The following FRAS1 variants were observed in gnomAD, a reference collection of about 807,000 sequenced individuals.
The protein encoded by FRAS1 is Fraser extracellular matrix complex subunit 1.
In FRAS1, 290 loss-of-function variants were observed where a neutral mutation model predicts 435.2. The observed-to-expected ratio is 0.67, with a 90% confidence interval of 0.61 to 0.73. The LOEUF (loss-of-function observed/expected upper bound fraction) is 0.73. Among genes scored for constraint, FRAS1 ranks in the 30% least tolerant of loss-of-function variants. The probability of loss-of-function intolerance (pLI) is 0.00; values close to 1 mark genes in which losing one functional copy is unlikely to be tolerated. For synonymous variants in FRAS1, 1,800 were observed against 1,851.0 expected, an observed-to-expected ratio of 0.97 and a Z score of 0.71; for missense variants, 4,860 against 5,001.5, an observed-to-expected ratio of 0.97 and a Z score of 0.85.
chr4:78,190,669 C>T (rs982460383), intron 2 of FRAS1, among the ~76,000 whole-genome samples: 4 of 150,936 alleles, frequency 2.7e-5, no homozygotes, highest in African/African-American at 9.8e-5. Context: ...TTTCCCATAG[C>T]ACAAGATAGT....
intron 70 of FRAS1, among the ~76,000 whole-genome samples, chr4:78,529,128 G>A (rs182065849): frequency 1.5e-3 from 228 of 152,222 alleles, no homozygotes; most frequent in Admixed American, 2.6e-3. Context: ...AAGGAACTGG[G>A]AGTCTGGGGT....
chr4:78,488,925 G>T lies in FRAS1; in HGVS notation c.8803G>T (p.Gly2935Cys). ...TTTGCTCCTAGTGAAGGAGAAGGAG[G>T]GTGTCCTGCATGTCCCTATCACTCG... ...KDLLLVKEKEGVLHVPITRSG... is the reference protein window; with the variant it reads ...KDLLLVKEKECVLHVPITRSG... Residue 2935 changes from glycine (G) to cysteine (C), a missense_variant, in exon 59 of 74, where the codon GGT becomes TGT. Gly to Cys is a radical substitution (Grantham distance 159). Coordinates refer to ENST00000512123, the MANE Select transcript of FRAS1 (RefSeq NM_025074.7). 4 of 1,613,384 alleles carry T rather than the reference G, an allele frequency of 2.5e-6. No individual in the cohort carries two copies. Among genetic ancestry groups the T allele is most frequent in the Non-Finnish European group, 3.4e-6 (4 of 1,179,694 alleles).
At chr4:78,064,168 C>G (rs1368207342) in intron 1 of FRAS1, among the ~76,000 whole-genome samples, 1 of 150,642 alleles carries the variant, frequency 6.6e-6, no homozygotes, top group Non-Finnish European at 1.5e-5. Context: ...AAGGTTTTAT[C>G]TCAAGTTATT....
At position 78,488,861 on chromosome 4, in the gene FRAS1, G is replaced by C. The variant is rs377106187; in HGVS notation, c.8753-14G>C. On this transcript the variant is annotated splice_polypyrimidine_tract_variant and intron_variant, in intron 58 of 73. Coordinates refer to ENST00000512123, the MANE Select transcript of FRAS1 (RefSeq NM_025074.7). ...CCACTAATGGTGCGTCTGTCTTTCT[G>C]TCTGCCCACCTAGTGCCCAGCATGC... The C allele has an allele frequency of 1.2e-6, 2 of 1,608,846 alleles. No homozygotes were observed. The highest frequency in any genetic ancestry group is 1.3e-5 in the African/African-American group (1 of 74,818).
intron 2 of FRAS1, among the ~76,000 whole-genome samples, chr4:78,073,359 CT>C (rs1740459373): frequency 6.6e-6 from 1 of 152,092 alleles, no homozygotes; most frequent in Non-Finnish European, 1.5e-5. Flanking sequence ...ATTTCTTATG[CT>C]TTGTTTTGAA....
At chr4:78,482,683 C>T in intron 58 of FRAS1, 148 bp downstream of exon 58, 1 of 786,540 alleles carries the variant, frequency 1.3e-6, no homozygotes, top group South Asian at 1.8e-5. Context: ...TGCACTTTTA[C>T]ATAGCAGAGT....
intron 14 of FRAS1, 54 bp downstream of exon 14, chr4:78,286,593 C>T (rs536972748): frequency 3.2e-6 from 5 of 1,579,948 alleles, no homozygotes; most frequent in African/African-American, 1.3e-5. Flanking sequence ...CTCCCCAACC[C>T]TGACCCCACC....
chr4:78,502,571 C>T (rs1013742420), intron 61 of FRAS1, among the ~76,000 whole-genome samples: 5 of 132,974 alleles, frequency 3.8e-5, no homozygotes, highest in Middle Eastern at 3.9e-3. Context: ...ATTTTGTGTC[C>T]TGAAACTTTC....
intron 2 of FRAS1, among the ~76,000 whole-genome samples, chr4:78,103,607 G>T (rs1742241223): frequency 6.6e-6 from 1 of 152,146 alleles, no homozygotes; most frequent in Non-Finnish European, 1.5e-5. Flanking sequence ...TAGAAAACAG[G>T]GTCTATGGGA....
chr4:78,211,513 A>G (rs1006205132), intron 2 of FRAS1, among the ~76,000 whole-genome samples: 5 of 152,136 alleles, frequency 3.3e-5, no homozygotes. Context: ...GGGGAAAGCC[A>G]TGTTGTGGCA....
intron 2 of FRAS1, among the ~76,000 whole-genome samples, chr4:78,094,307 A>T (rs1352774991): frequency 6.6e-6 from 1 of 152,040 alleles, no homozygotes; most frequent in African/African-American, 2.4e-5. Flanking sequence ...GATTGAATTT[A>T]AATATTTTGA....
intron 3 of FRAS1, among the ~76,000 whole-genome samples, chr4:78,238,256 A>G (rs1230097855): frequency 6.6e-6 from 1 of 151,482 alleles, no homozygotes; most frequent in Non-Finnish European, 1.5e-5. Flanking sequence ...CCTTCTGTTA[A>G]AAATTTTCAG....
Position 78,058,088 on chromosome 4 carries a change from G to A in FRAS1, c.76+3G>A. On this transcript the variant is annotated splice_donor_region_variant and intron_variant, in intron 1 of 73. Transcript: ENST00000512123. ...AGTATTGCCTCATCATTCCGAAGGT[G>A]AGAGAGCGGTGCCGCGTGTGTGTGT... 6.2e-7 allele frequency: 1 copy of A among 1,613,082 alleles called. No individual in the cohort carries two copies.
rs772777587 is a variant in FRAS1, at chr4:78,308,102, C to G, written c.1571C>G (p.Thr524Arg). The G allele has an allele frequency of 7.4e-6, 12 of 1,613,572 alleles. No individual in the cohort carries two copies. Among genetic ancestry groups the G allele is most frequent in the African/African-American group, 2.7e-5 (2 of 75,024 alleles). ...HESCAGCWGP[T>R]EKHCLACRDP... ...TCCTGTGCAGGTTGCTGGGGCCCAA[C>G]GGAGAAGCACTGCTTGGCCTGCAGA... is the stretch of plus-strand genomic sequence containing the variant. The change falls in exon 15 of 74, where the codon ACG becomes AGG. Residue 524 changes from threonine (T) to arginine (R), a missense_variant. Coordinates refer to ENST00000512123, the MANE Select transcript of FRAS1 (RefSeq NM_025074.7).
intron 10 of FRAS1, among the ~76,000 whole-genome samples, chr4:78,280,523 G>A (rs888040065): frequency 1.3e-5 from 2 of 151,550 alleles, no homozygotes; most frequent in East Asian, 3.9e-4. Flanking sequence ...TGCAGGAAGT[G>A]AAACATGTAT....
In FRAS1 at chr4:78,422,526, G is replaced by GAA. The variant is rs1263762670; in HGVS notation, c.4678+529_4678+530dup. On this transcript the variant is annotated intron_variant, in intron 34 of 73. Transcript: ENST00000512123. ...AAAGTGTATGTATTTGGATGGTCAG[G>GAA]AAAATGTCCCTGAAGGAAGAGCACT... is the stretch of plus-strand genomic sequence containing the variant. Among the ~76,000 whole-genome samples the GAA allele has an allele frequency of 2.0e-5, 3 of 152,174 alleles. No individual in the cohort carries two copies. In the East Asian group the frequency reaches 5.8e-4, roughly 29 times the overall value.
At chr4:78,154,052 T>G (rs1028584384) in intron 2 of FRAS1, among the ~76,000 whole-genome samples, 6 of 152,214 alleles carry the variant, frequency 3.9e-5, no homozygotes, top group African/African-American at 1.2e-4. Context: ...AAATTTGGAT[T>G]GCAGATTATT....
At position 78,513,414 on chromosome 4, in the gene FRAS1, C is replaced by T. The variant is rs1439643172; in HGVS notation, c.10036C>T (p.Pro3346Ser). The stretch of plus-strand genomic sequence containing the variant: ...TAGAATCCACATTTCGGTGCAGATC[C>T]CACACCAGGATGGAATGCTGCCCCT... ...PNRIHISVQI[P>S]HQDGMLPLIS... is the part of the protein sequence containing the mutation. The change falls in exon 65 of 74, where the codon CCA becomes TCA. Residue 3346 changes from proline to serine, a missense_variant. Coordinates refer to ENST00000512123, the MANE Select transcript of FRAS1 (RefSeq NM_025074.7). The T allele has an allele frequency of 2.5e-6, 4 of 1,613,868 alleles. No homozygotes were observed. Among genetic ancestry groups the T allele is most frequent in the Non-Finnish European group, 3.4e-6 (4 of 1,179,812 alleles).
At chr4:78,496,720 GAAGA>G (rs1720517722) in intron 59 of FRAS1, 81 bp from the exon 60 acceptor site, 6 of 1,264,308 alleles carry the variant, frequency 4.7e-6, no homozygotes, top group Non-Finnish European at 6.7e-6. Flanking sequence ...ATGCAATAAA[GAAGA>G]AAGATAGTTT....
Sources: allele counts gnomAD v4.1 joint callset (sites outside exome capture counted in the v4.1 genomes callset), GRCh38; gene constraint gnomAD v4.1.1; transcripts MANE v1.5; gene names NCBI Gene and HGNC (gene_info 2026-07-23, HGNC 2026-07-21).